The following ERBB4 variants were observed in gnomAD, a reference collection of about 807,000 sequenced individuals.
ERBB4 encodes receptor tyrosine-protein kinase erbB-4.
A neutral mutation model predicts 158.0 loss-of-function variants in ERBB4; 42 were observed. The ratio of observed to expected loss-of-function variants is 0.27; its 90% confidence interval spans 0.21 to 0.34. The LOEUF is 0.34. ERBB4 is among the 10% of genes least tolerant of loss of function. ERBB4 has a pLI of 1.00. For synonymous variants in ERBB4, 583 were observed against 558.7 expected (o/e 1.04, Z -0.61); for missense variants, 1,333 against 1,624.1 (o/e 0.82, Z 3.08).
At chr2:211,627,160 C>T (rs543736483) in intron 17 of ERBB4, among the ~76,000 whole-genome samples, 185 of 152,262 alleles carry the variant, frequency 1.2e-3, no homozygotes, top group African/African-American at 4.1e-3. Flanking sequence ...GCTTTCCTTT[C>T]CAACTGTAGT....
chr2:212,364,645 T>G (rs979374019), intron 1 of ERBB4, among the ~76,000 whole-genome samples: 3 of 151,756 alleles, frequency 2.0e-5, no homozygotes, highest in East Asian at 1.9e-4. Flanking sequence ...GCAAAAAAGT[T>G]TTGTGGCTCA....
intron 2 of ERBB4, among the ~76,000 whole-genome samples, chr2:212,097,937 A>G (rs1296736924): frequency 1.3e-5 from 2 of 152,172 alleles, no homozygotes; most frequent in African/African-American, 4.8e-5. Context: ...TTGACTTCGA[A>G]CATATTAGAT....
chr2:212,299,798 A>G (rs1336703496), intron 1 of ERBB4, among the ~76,000 whole-genome samples: 11 of 151,616 alleles, frequency 7.3e-5, no homozygotes, highest in Admixed American at 3.3e-4. Context: ...TCTTTATAAT[A>G]GTTTTTCACA....
At chr2:211,501,692 G>A (rs895082091) in intron 20 of ERBB4, among the ~76,000 whole-genome samples, 11 of 151,774 alleles carry the variant, frequency 7.2e-5, no homozygotes, top group South Asian at 2.1e-4. Context: ...ATAACCTCAG[G>A]TCTTCCAAAA....
chr2:212,259,385 C>T (rs774425125), intron 1 of ERBB4, among the ~76,000 whole-genome samples: 7 of 152,140 alleles, frequency 4.6e-5, no homozygotes, highest in African/African-American at 7.2e-5. Flanking sequence ...GCCCATTAAA[C>T]GCTCTGACCC....
chr2:212,287,483 T>C (rs1406862050), intron 1 of ERBB4, among the ~76,000 whole-genome samples: 1 of 152,196 alleles, frequency 6.6e-6, no homozygotes, highest in African/African-American at 2.4e-5. Context: ...TTTTATGTTT[T>C]AAAATGAATC....
intron 25 of ERBB4, among the ~76,000 whole-genome samples, chr2:211,414,744 A>C (rs1351440377): frequency 2.0e-5 from 3 of 152,078 alleles, no homozygotes; most frequent in Non-Finnish European, 4.4e-5. Flanking sequence ...TGAAATGAGA[A>C]GTCTCCCTCC....
At chr2:211,698,756 C>T (rs11689652) in intron 12 of ERBB4, among the ~76,000 whole-genome samples, 71,168 of 151,852 alleles carry the variant, frequency 0.47, 16,906 homozygotes, top group African/African-American at 0.51. Flanking sequence ...CTCTACACTG[C>T]TTATATTTCA....
rs2079471780 is a variant in ERBB4 at position 211,908,998 on chromosome 2, G to T, written c.421+38432C>A. The stretch of plus-strand genomic sequence containing the variant: ...GTTTCTTATATGTAACTTAAAGACT[G>T]ATTGAAAAATGTAAAATATTAACTG... On this transcript the variant is annotated intron_variant, in intron 3 of 27. Transcript: ENST00000342788. Among the ~76,000 whole-genome samples the T allele has an allele frequency of 4.0e-5, 6 of 151,592 alleles. 1 individual carries two copies. The highest frequency in any genetic ancestry group is 3.9e-4 in the Admixed American group (6 of 15,194).
rs57466272 is a variant in ERBB4, at chr2:211,630,611, G to GA, written c.1947-18dup. 33,202 of 1,218,422 alleles carry GA rather than the reference G, an allele frequency of 0.027. 656 individuals carry two copies. Among genetic ancestry groups the GA allele is most frequent in the African/African-American group, 0.18 (11,497 of 63,506 alleles). The allele number at this position is 1,218,422 out of a possible 1,614,324, so 75.5% of individuals were successfully genotyped here. ...AGGGGAGTTCTGACAACCAGAATGA[G>GA]AAAAAAAAAAATAAAAAGTATGAAG... On this transcript the variant is annotated splice_polypyrimidine_tract_variant and intron_variant, in intron 16 of 27. Coordinates refer to ENST00000342788, the MANE Select transcript of ERBB4 (RefSeq NM_005235.3).
intron 1 of ERBB4, among the ~76,000 whole-genome samples, chr2:212,531,720 G>T (rs534786539): frequency 6.6e-6 from 1 of 151,556 alleles, no homozygotes; most frequent in African/African-American, 2.4e-5. Context: ...ATAAAGCCCA[G>T]GTTAAAAAAA....
At chr2:211,981,727 T>C (rs2081802554) in intron 2 of ERBB4, among the ~76,000 whole-genome samples, 1 of 152,216 alleles carries the variant, frequency 6.6e-6, no homozygotes. Context: ...AATCATTTTA[T>C]CTTTTGCTAC....
chr2:211,528,309 A>G (rs1470793256), intron 20 of ERBB4, among the ~76,000 whole-genome samples: 1 of 152,060 alleles, frequency 6.6e-6, no homozygotes, highest in African/African-American at 2.4e-5. Context: ...AGAGAATATA[A>G]CAATCATAAA....
At chr2:211,580,939 A>C (rs1326567257) in intron 19 of ERBB4, among the ~76,000 whole-genome samples, 1 of 143,432 alleles carries the variant, frequency 7.0e-6, no homozygotes, top group Non-Finnish European at 1.5e-5. Flanking sequence ...CTTAGCCATA[A>C]AATGGAATTA....
intron 1 of ERBB4, among the ~76,000 whole-genome samples, chr2:212,266,202 T>C (rs2085130159): frequency 6.6e-6 from 1 of 151,810 alleles, no homozygotes; most frequent in African/African-American, 2.4e-5. Flanking sequence ...TGGAAACTAA[T>C]ACGAGGAGGA....
intron 1 of ERBB4, among the ~76,000 whole-genome samples, chr2:212,478,505 A>T (rs1467527716): frequency 1.3e-5 from 2 of 152,130 alleles, no homozygotes; most frequent in African/African-American, 4.8e-5. Context: ...CAGTGATAGA[A>T]GTCTAGAACA....
intron 1 of ERBB4, among the ~76,000 whole-genome samples, chr2:212,449,795 AC>A (rs1000824334): frequency 1.3e-5 from 2 of 151,972 alleles, no homozygotes; most frequent in African/African-American, 2.4e-5. Flanking sequence ...TTGGATAAAC[AC>A]CCCCTACTAT....
intron 20 of ERBB4, among the ~76,000 whole-genome samples, chr2:211,463,018 G>A (rs770580062): frequency 7.9e-5 from 12 of 152,092 alleles, no homozygotes; most frequent in Non-Finnish European, 1.0e-4. Context: ...CTGCTGTATT[G>A]TAGTCCATAG....
chr2:212,244,185 A>G (rs7580670), intron 1 of ERBB4, among the ~76,000 whole-genome samples: 4,025 of 152,278 alleles, frequency 0.026, 170 homozygotes, highest in African/African-American at 0.092. Flanking sequence ...ATAATTTTTC[A>G]TGATACATAG....
Sources: allele counts gnomAD v4.1 joint callset (sites outside exome capture counted in the v4.1 genomes callset), GRCh38; gene constraint gnomAD v4.1.1; transcripts MANE v1.5; gene names NCBI Gene and HGNC (gene_info 2026-07-23, HGNC 2026-07-21).